Variants in CD36 observed in about 807,000 individuals in gnomAD.
CD36 encodes the protein CD36 molecule (CD36 blood group).
In CD36, 119 loss-of-function variants were observed where a neutral mutation model predicts 55.2. That is an observed-to-expected ratio of 2.15 (90% CI 1.86 to 2.51). CD36 has a LOEUF of 2.51. Among genes scored for constraint, CD36 ranks in the 30% most tolerant of loss-of-function variants. The pLI, the probability that CD36 is intolerant of heterozygous loss-of-function variation, is 0.00. For missense variants in CD36, 819 were observed against 555.5 expected, an observed-to-expected ratio of 1.47 and a Z score of -4.77; for synonymous variants, 186 against 193.6, an observed-to-expected ratio of 0.96 and a Z score of 0.33.
At chr7:80,673,137 T>G in intron 12 of CD36, 1 of 514,650 alleles carries the variant, frequency 1.9e-6, no homozygotes. Context: ...GAGAATTTAT[T>G]GAAAGGAAAA....
At chr7:80,649,019 TTGA>T (rs1288317337) in intron 3 of CD36, among the ~76,000 whole-genome samples, 1 of 152,096 alleles carries the variant, frequency 6.6e-6, no homozygotes. Context: ...AAATACTTAA[TTGA>T]TGATACAATA....
At chr7:80,646,470 GTAGGCAT>G (rs1795175422) in intron 2 of CD36, 175 bp from the exon 3 acceptor site, 1 of 449,586 alleles carries the variant, frequency 2.2e-6, no homozygotes, top group African/African-American at 2.0e-5. Flanking sequence ...TCTGCCACTG[GTAGGCAT>G]TAGAAGCAAG....
chr7:80,672,003 A>AT lies in CD36; in HGVS notation c.1089dup (p.Glu364Ter). 2.5e-6 allele frequency: 4 copies of AT among 1,608,624 alleles called. No individual in the cohort carries two copies. The Admixed American group carries it at 6.7e-5, about 27-fold the overall frequency. On this transcript the variant is annotated frameshift_variant, in exon 11 of 15. Coordinates refer to ENST00000447544, the MANE Select transcript of CD36 (RefSeq NM_001001548.3). LOFTEE classifies it high-confidence loss of function. ...GAACCTATTGATGGATTAAACCCAA[A>AT]TGAAGAAGAACATAGGACATACTTG...
At chr7:80,619,358 T>C (rs1451047543) in intron 1 of CD36, among the ~76,000 whole-genome samples, 1 of 152,178 alleles carries the variant, frequency 6.6e-6, no homozygotes, top group East Asian at 1.9e-4. Context: ...ACATCAGTTT[T>C]ATAGCCCAGA....
chr7:80,662,973 T>C lies in CD36; in HGVS notation c.430-17T>C. 1 of 1,592,480 alleles carries C rather than the reference T, an allele frequency of 6.3e-7. No individual in the cohort carries two copies. The highest frequency in any genetic ancestry group is 1.8e-4 in the Middle Eastern group (1 of 5,650). On this transcript the variant is annotated splice_polypyrimidine_tract_variant and intron_variant, in intron 5 of 14. Coordinates refer to ENST00000447544, the MANE Select transcript of CD36 (RefSeq NM_001001548.3). ...AATATTGTATTCTTGTCTTAAACAGTGACTTTGTTTTTGTAGGCTGCATCC... is the reference window on the plus strand; with the variant it reads ...AATATTGTATTCTTGTCTTAAACAGCGACTTTGTTTTTGTAGGCTGCATCC...
At chr7:80,648,064 C>T (rs1795305200) in intron 3 of CD36, among the ~76,000 whole-genome samples, 1 of 152,150 alleles carries the variant, frequency 6.6e-6, no homozygotes, top group African/African-American at 2.4e-5. Flanking sequence ...TGCAGAACTT[C>T]AGCCTCATGC....
intron 3 of CD36, among the ~76,000 whole-genome samples, chr7:80,651,689 C>G (rs1017785755): frequency 7.2e-5 from 11 of 152,104 alleles, no homozygotes; most frequent in African/African-American, 2.7e-4. Flanking sequence ...GGGTGGATCA[C>G]TTGAGCTCAG....
Position 80,666,997 on chromosome 7 carries a change from T to A in CD36, c.748+508T>A, listed in dbSNP as rs184244402. ...GAAAACAATAACAAAGTCAGATGTC[T>A]TCTTAACTGTGAAAAATATATGTAA... On this transcript the variant is annotated intron_variant, in intron 8 of 14. Transcript: ENST00000447544. Among the ~76,000 whole-genome samples, 3 of 152,320 alleles carry A rather than the reference T, an allele frequency of 2.0e-5. No individual in the cohort carries two copies. In the East Asian group the frequency reaches 5.8e-4, roughly 29 times the overall value.
chr7:80,602,687 G>A (rs776925645), intron 1 of CD36, among the ~76,000 whole-genome samples: 13 of 151,978 alleles, frequency 8.6e-5, no homozygotes, highest in Non-Finnish European at 1.8e-4. Flanking sequence ...CAAACTTCTC[G>A]TGACTTCAAA....
At chr7:80,635,563 C>T (rs998373216), upstream of CD36, among the ~76,000 whole-genome samples, 3 of 152,136 alleles carry the variant, frequency 2.0e-5, no homozygotes, top group African/African-American at 7.2e-5. Flanking sequence ...GTGTGAGCCA[C>T]CAAGCCCAGC....
intron 3 of CD36, among the ~76,000 whole-genome samples, chr7:80,651,519 C>A (rs1795620509): frequency 6.6e-6 from 1 of 152,056 alleles, no homozygotes; most frequent in Admixed American, 6.5e-5. Context: ...TCAATTATAC[C>A]ATTTTTCCTT....
At chr7:80,634,241 A>C (rs1454732575), upstream of CD36, among the ~76,000 whole-genome samples, 3 of 152,036 alleles carry the variant, frequency 2.0e-5, no homozygotes, top group Admixed American at 2.0e-4. Flanking sequence ...GGCAGGTAGT[A>C]AGCTCCTACT....
rs1384995288 is a variant in CD36 at position 80,646,796 on chromosome 7, T to C, written c.56T>C (p.Leu19Pro). The change falls in exon 3 of 15, where the codon CTG becomes CCG. Residue 19 changes from leucine (L) to proline (P), a missense_variant. By Grantham distance (98) the Leu-to-Pro change is moderately conservative (BLOSUM62 -3). Coordinates refer to ENST00000447544, the MANE Select transcript of CD36 (RefSeq NM_001001548.3). ...LIAGAVIGAV[L>P]AVFGGILMPV... ...GCTGGGGCTGTCATTGGTGCTGTCC[T>C]GGCTGTGTTTGGAGGTATTCTAATG... 2.5e-6 allele frequency: 4 copies of C among 1,614,024 alleles called. No individual in the cohort carries two copies. The highest frequency in any genetic ancestry group is 3.3e-4 in the Middle Eastern group (2 of 6,056).
chr7:80,656,728 A>C (rs746715440), intron 4 of CD36, 28 bp downstream of exon 4: 1 of 1,594,382 alleles, frequency 6.3e-7, no homozygotes, highest in Non-Finnish European at 8.6e-7. Flanking sequence ...AATATGAGAC[A>C]CTCTTACCTT....
chr7:80,646,592 A>C, intron 2 of CD36, 60 bp from the exon 3 acceptor site: 1 of 905,566 alleles, frequency 1.1e-6, no homozygotes, highest in Non-Finnish European at 1.8e-6. Flanking sequence ...TTTTCTTTGT[A>C]CTTTGATCTT....
chr7:80,677,319 T>C lies in CD36; in HGVS notation c.*936T>C, dbSNP rs1798193848. The C allele has an allele frequency of 6.6e-6, 1 of 152,186 alleles. No individual in the cohort carries two copies. Among genetic ancestry groups the C allele is most frequent in the African/African-American group, 2.4e-5 (1 of 41,432 alleles). The allele number at this position is 152,186 out of a possible 1,614,324, so 9.4% of individuals were successfully genotyped here. ...GGTTCACTTATTCTGAGAGCATTAGTTCTCCTAAAAAGCTCCAGCATAGAA... is the reference window on the plus strand; with the variant it reads ...GGTTCACTTATTCTGAGAGCATTAGCTCTCCTAAAAAGCTCCAGCATAGAA... On this transcript the variant is annotated 3_prime_UTR_variant, in exon 15 of 15. Transcript: ENST00000447544.
upstream of CD36, among the ~76,000 whole-genome samples, chr7:80,636,170 AC>A (rs1411425094): frequency 6.6e-6 from 1 of 152,098 alleles, no homozygotes; most frequent in Non-Finnish European, 1.5e-5. Context: ...AAAGCAGAGA[AC>A]GGAGAGGGGA....
At chr7:80,646,623 T>C in intron 2 of CD36, 29 bp from the exon 3 acceptor site, 3 of 1,228,052 alleles carry the variant, frequency 2.4e-6, no homozygotes, top group Non-Finnish European at 3.6e-6. Flanking sequence ...TATTTAAGCT[T>C]CTGTTTTATG....
At chr7:80,633,149 T>C (rs532915535) in intron 1 of CD36, 13 of 152,152 alleles carry the variant, frequency 8.5e-5, no homozygotes, top group African/African-American at 2.6e-4. Context: ...CATTTCCTTA[T>C]GTTTCTTACC....
Sources: allele counts gnomAD v4.1 joint callset (sites outside exome capture counted in the v4.1 genomes callset), GRCh38; gene constraint gnomAD v4.1.1; transcripts MANE v1.5; gene names NCBI Gene and HGNC (gene_info 2026-07-23, HGNC 2026-07-21).